MAGI2: variants seen among roughly 807,000 people sequenced by gnomAD.
MAGI2 encodes membrane associated guanylate kinase, WW and PDZ domain containing 2, also known as membrane-associated guanylate kinase, WW and PDZ domain-containing protein 2.
Under a neutral mutation model 133.3 loss-of-function variants are expected in MAGI2, and 35 were observed. The observed-to-expected ratio is 0.26, with a 90% CI of 0.20 to 0.35. The LOEUF is 0.35. Ranked by LOEUF, MAGI2 falls within the 10% of genes least tolerant of loss-of-function variation. The pLI is 1.00. For missense variants in MAGI2, 1,636 were observed against 1,863.4 expected, an observed-to-expected ratio of 0.88 and a Z score of 2.25; for synonymous variants, 729 against 710.6, an observed-to-expected ratio of 1.03 and a Z score of -0.41.
chr7:78,855,101 A>G (rs1050227513), intron 2 of MAGI2, among the ~76,000 whole-genome samples: 1 of 152,016 alleles, frequency 6.6e-6, no homozygotes, highest in Non-Finnish European at 1.5e-5. Context: ...CTTTTACTTA[A>G]AAAATATTTT....
At chr7:78,722,805 G>T (rs999106122) in intron 2 of MAGI2, among the ~76,000 whole-genome samples, 3 of 152,094 alleles carry the variant, frequency 2.0e-5, no homozygotes, top group African/African-American at 7.2e-5. Flanking sequence ...ACTCTTTTGT[G>T]AGAATCCCTG....
chr7:78,929,678 T>C (rs548727870), intron 2 of MAGI2, among the ~76,000 whole-genome samples: 1 of 152,174 alleles, frequency 6.6e-6, no homozygotes, highest in East Asian at 1.9e-4. Context: ...GTCCCTCTTA[T>C]AAGGACTGTT....
At chr7:79,297,784 T>C (rs1347873762) in intron 1 of MAGI2, among the ~76,000 whole-genome samples, 1 of 152,220 alleles carries the variant, frequency 6.6e-6, no homozygotes, top group Non-Finnish European at 1.5e-5. Flanking sequence ...CAATATTTAT[T>C]GCCTGAGGCA....
chr7:78,056,913 T>C (rs996937550), intron 21 of MAGI2, among the ~76,000 whole-genome samples: 3 of 152,142 alleles, frequency 2.0e-5, no homozygotes, highest in East Asian at 3.8e-4. Context: ...CATTCATGTG[T>C]TGATGGACAT....
At chr7:78,088,420 G>A (rs756915522) in intron 20 of MAGI2, among the ~76,000 whole-genome samples, 1 of 152,188 alleles carries the variant, frequency 6.6e-6, no homozygotes, top group African/African-American at 2.4e-5. Flanking sequence ...CAGCATGAAT[G>A]AGCATGAAAA....
chr7:78,616,595 G>C (rs1807123165), intron 3 of MAGI2: 1 of 152,166 alleles, frequency 6.6e-6, no homozygotes, highest in Admixed American at 6.6e-5. Context: ...GATAAAGTGA[G>C]AGGGAAACAT....
chr7:78,167,780 G>C, intron 15 of MAGI2, 136 bp downstream of exon 15: 1 of 779,096 alleles, frequency 1.3e-6, no homozygotes, highest in South Asian at 2.5e-5. Context: ...CATTACTTTT[G>C]GAATATCTAG....
intron 1 of MAGI2, among the ~76,000 whole-genome samples, chr7:79,030,851 A>C (rs1810502260): frequency 6.6e-6 from 1 of 152,190 alleles, no homozygotes; most frequent in South Asian, 2.1e-4. Flanking sequence ...TATATACAGC[A>C]CTGAAGGACA....
chr7:78,609,338 TAAG>T (rs1232855464), intron 3 of MAGI2, among the ~76,000 whole-genome samples: 2 of 152,132 alleles, frequency 1.3e-5, no homozygotes, highest in South Asian at 2.1e-4. Context: ...AAGACAATAA[TAAG>T]GTCATAATTA....
chr7:79,267,488 C>A (rs148784776), intron 1 of MAGI2, among the ~76,000 whole-genome samples: 2 of 152,170 alleles, frequency 1.3e-5, no homozygotes, highest in Non-Finnish European at 2.9e-5. Context: ...ACAGTGCCAG[C>A]GTGCTGGCTC....
chr7:78,124,861 C>CTTTTTTTTTTTTTTTTTTTTTTT (rs10707820), intron 20 of MAGI2, among the ~76,000 whole-genome samples: 3 of 137,430 alleles, frequency 2.2e-5, no homozygotes, highest in Non-Finnish European at 1.6e-5. Flanking sequence ...TAGCTGCTGT[C>CTTTTTTTTTTTTTTTTTTTTTTT]TTTTTTTTTT....
chr7:79,217,820 G>T (rs913889863), intron 1 of MAGI2, among the ~76,000 whole-genome samples: 1 of 151,972 alleles, frequency 6.6e-6, no homozygotes, highest in Non-Finnish European at 1.5e-5. Context: ...AAACAAAGTA[G>T]AATAGTGCTT....
At chr7:79,402,622 C>A (rs947416433) in intron 1 of MAGI2, among the ~76,000 whole-genome samples, 4 of 152,030 alleles carry the variant, frequency 2.6e-5, no homozygotes, top group Non-Finnish European at 4.4e-5. Context: ...AGTATTTTAA[C>A]AGGAAAATGA....
intron 1 of MAGI2, among the ~76,000 whole-genome samples, chr7:79,334,569 T>G (rs776188515): frequency 6.6e-6 from 1 of 152,144 alleles, no homozygotes; most frequent in Non-Finnish European, 1.5e-5. Context: ...GGTGATCCTC[T>G]ACTTAAACCA....
intron 1 of MAGI2, among the ~76,000 whole-genome samples, chr7:79,053,666 A>T (rs190828902): frequency 6.6e-6 from 1 of 152,340 alleles, no homozygotes; most frequent in African/African-American, 2.4e-5. Flanking sequence ...ATCATTCTAT[A>T]AAAATTTGAT....
intron 2 of MAGI2, among the ~76,000 whole-genome samples, chr7:78,899,446 G>C (rs1797444534): frequency 6.6e-6 from 1 of 152,182 alleles, no homozygotes; most frequent in African/African-American, 2.4e-5. Flanking sequence ...TACAAGCAAT[G>C]AATCAGAGTC....
intron 16 of MAGI2, among the ~76,000 whole-genome samples, chr7:78,153,063 G>A (rs972275955): frequency 2.0e-5 from 3 of 152,334 alleles, no homozygotes; most frequent in African/African-American, 7.2e-5. Context: ...CTCTAGCAAT[G>A]ACTTTCGGAG....
chr7:79,136,028 G>GAAAGAAAGAAA (rs1821448277), intron 1 of MAGI2, among the ~76,000 whole-genome samples: 32 of 51,648 alleles, frequency 6.2e-4, no homozygotes, highest in African/African-American at 2.3e-3. Context: ...AAAGAAAGAA[G>GAAAGAAAGAAA]GAAAGAAAGA....
intron 1 of MAGI2, among the ~76,000 whole-genome samples, chr7:79,446,482 T>A (rs1848861290): frequency 6.6e-6 from 1 of 151,810 alleles, no homozygotes; most frequent in Non-Finnish European, 1.5e-5. Context: ...ATTTTTTTTT[T>A]AAAGTAAGCC....
Sources: allele counts gnomAD v4.1 joint callset (sites outside exome capture counted in the v4.1 genomes callset), GRCh38; gene constraint gnomAD v4.1.1; transcripts MANE v1.5; gene names NCBI Gene and HGNC (gene_info 2026-07-23, HGNC 2026-07-21).